Variants in GPR20 observed in about 807,000 individuals in gnomAD.
GPR20 encodes G protein-coupled receptor 20.
For synonymous variants in GPR20, 241 were observed against 241.9 expected, an observed-to-expected ratio of 1.00 and a Z score of 0.04; for missense variants, 494 against 527.4, an observed-to-expected ratio of 0.94 and a Z score of 0.62.
Position 141,356,959 on chromosome 8 carries a change from C to T in GPR20, c.965G>A (p.Ser322Asn). Reference sequence around the variant, plus strand: ...CCTGTGCATGCTGACCACGTCACCGCTGCTGGGCTCACGCTCTCCGTGCTG... The same window carrying T: ...CCTGTGCATGCTGACCACGTCACCGTTGCTGGGCTCACGCTCTCCGTGCTG... The part of the protein sequence containing the change: ...FGQHGEREPS[S>N]GDVVSMHRSS... Residue 322 changes from serine to asparagine, a missense_variant, in exon 2 of 2, where the codon AGC (serine) becomes AAC (asparagine). Ser to Asn is a conservative substitution (Grantham distance 46). Coordinates refer to ENST00000377741, the MANE Select transcript of GPR20 (RefSeq NM_005293.3). The T allele has an allele frequency of 6.2e-7, 1 of 1,613,130 alleles. No homozygotes were observed. Among genetic ancestry groups the T allele is most frequent in the Non-Finnish European group, 8.5e-7 (1 of 1,179,996 alleles).
chr8:141,357,416 C>A lies in GPR20; in HGVS notation c.508G>T (p.Val170Leu). ...GCGGCCAGCCACACGAAGGCGCACACGGCCCTGGCACAGGCAGGCTGGCGG... is the reference window on the plus strand; with the variant it reads ...GCGGCCAGCCACACGAAGGCGCACAAGGCCCTGGCACAGGCAGGCTGGCGG... ...RCRQPACARA[V>L]CAFVWLAAGA... is the part of the protein sequence containing the mutation. Residue 170 changes from valine (V) to leucine (L), a missense_variant, in exon 2 of 2, where the codon GTG (valine) becomes TTG (leucine). Coordinates refer to ENST00000377741, the MANE Select transcript of GPR20 (RefSeq NM_005293.3). 6.2e-7 allele frequency: 1 copy of A among 1,604,310 alleles called. No individual in the cohort carries two copies. Among genetic ancestry groups the A allele is most frequent in the African/African-American group, 1.3e-5 (1 of 74,936 alleles).
At chr8:141,360,397 C>T (rs543695832) in intron 1 of GPR20, among the ~76,000 whole-genome samples, 34 of 152,338 alleles carry the variant, frequency 2.2e-4, no homozygotes, top group Admixed American at 1.0e-3. Context: ...ATTCCTGTGG[C>T]GCTCTGAGCC....
chr8:141,360,191 G>C (rs1255132000), intron 1 of GPR20, among the ~76,000 whole-genome samples: 4 of 152,228 alleles, frequency 2.6e-5, no homozygotes, highest in African/African-American at 9.6e-5. Flanking sequence ...GACCGGAGAG[G>C]AGAGGGAGCT....
Position 141,357,512 on chromosome 8 carries a change from T to C in GPR20, c.412A>G (p.Ile138Val), listed in dbSNP as rs754488752. Residue 138 changes from isoleucine (I) to valine (V), a missense_variant, in exon 2 of 2, where the codon ATC (isoleucine) becomes GTC (valine). By Grantham distance (29) the Ile-to-Val change is conservative (BLOSUM62 3). Transcript: ENST00000377741. The part of the protein sequence containing the change: ...LGYFLNMHCS[I>V]LFLTCICVDR... ...ACGCAGATGCAGGTGAGGAAGAGGATGGAGCAGTGCATGTTGAGGAAGTAA... is the reference window on the plus strand; with the variant it reads ...ACGCAGATGCAGGTGAGGAAGAGGACGGAGCAGTGCATGTTGAGGAAGTAA... 6.1e-5 allele frequency: 99 copies of C among 1,613,380 alleles called. No individual in the cohort carries two copies. Among genetic ancestry groups the C allele is most frequent in the Non-Finnish European group, 8.2e-5 (97 of 1,179,982 alleles).
Position 141,357,854 on chromosome 8 carries a change from G to T in GPR20, c.70C>A (p.Arg24=), listed in dbSNP as rs199724410. 3 of 1,611,810 alleles carry T rather than the reference G, an allele frequency of 1.9e-6. No individual in the cohort carries two copies. Among genetic ancestry groups the T allele is most frequent in the Admixed American group, 1.7e-5 (1 of 59,922 alleles). ...VPNATAVTTV[R]TNASGLEVPL... Reference sequence around the variant, plus strand: ...ACCTCCAGCCCGCTGGCATTGGTCCGCACTGTTGTCACTGCGGTGGCATTG... The same window carrying T: ...ACCTCCAGCCCGCTGGCATTGGTCCTCACTGTTGTCACTGCGGTGGCATTG... The change falls in exon 2 of 2, where the codon CGG becomes AGG. Residue 24 remains arginine, a synonymous_variant. Transcript: ENST00000377741.
intron 1 of GPR20, among the ~76,000 whole-genome samples, chr8:141,362,299 C>T (rs1831746076): frequency 6.6e-6 from 1 of 152,134 alleles, no homozygotes; most frequent in Admixed American, 6.5e-5. Context: ...TGCATCCTCC[C>T]AGGGCACCCT....
Position 141,357,954 on chromosome 8 carries a change from G to T in GPR20, c.-24-7C>A. 1 of 1,364,522 alleles carries T rather than the reference G, an allele frequency of 7.3e-7. No individual in the cohort carries two copies. The highest frequency in any genetic ancestry group is 1.0e-6 in the Non-Finnish European group (1 of 997,658). The allele number at this position is 1,364,522 out of a possible 1,614,324, so 84.5% of individuals were successfully genotyped here. On this transcript the variant is annotated splice_region_variant and splice_polypyrimidine_tract_variant and intron_variant, in intron 1 of 1. Transcript: ENST00000377741. ...CAGCCAGCACACCCCAGGCCTGGAA[G>T]CAAGGAGACCAGGTCACCCCAGGCG...
chr8:141,362,189 GCT>G (rs1831744262), intron 1 of GPR20, among the ~76,000 whole-genome samples: 1 of 152,204 alleles, frequency 6.6e-6, no homozygotes. Context: ...AGCTGTTCCT[GCT>G]CTCTCCCTTT....
Position 141,357,416 on chromosome 8 carries a change from C to T in GPR20, c.508G>A (p.Val170Met), listed in dbSNP as rs1037579412. The change falls in exon 2 of 2, where the codon GTG becomes ATG. Residue 170 changes from valine (V) to methionine (M), a missense_variant. Val to Met is a conservative substitution (Grantham distance 21, BLOSUM62 1). Transcript: ENST00000377741. ...RCRQPACARA[V>M]CAFVWLAAGA... ...GCGGCCAGCCACACGAAGGCGCACACGGCCCTGGCACAGGCAGGCTGGCGG... is the reference window on the plus strand; with the variant it reads ...GCGGCCAGCCACACGAAGGCGCACATGGCCCTGGCACAGGCAGGCTGGCGG... 1.7e-5 allele frequency: 27 copies of T among 1,604,308 alleles called. No individual in the cohort carries two copies. The highest frequency in any genetic ancestry group is 4.5e-5 in the East Asian group (2 of 44,498).
intron 1 of GPR20, among the ~76,000 whole-genome samples, chr8:141,359,875 T>C (rs1205870585): frequency 1.3e-5 from 2 of 152,244 alleles, no homozygotes; most frequent in Non-Finnish European, 2.9e-5. Flanking sequence ...AGGGACTGCA[T>C]GGCCAAAAAA....
chr8:141,364,029 A>T (rs1563707767), intron 1 of GPR20, among the ~76,000 whole-genome samples: 1 of 152,226 alleles, frequency 6.6e-6, no homozygotes, highest in Non-Finnish European at 1.5e-5. Context: ...GGAGGCCCAG[A>T]GGGGTGAGTG....
At chr8:141,358,613 C>G (rs1056576605) in intron 1 of GPR20, among the ~76,000 whole-genome samples, 3 of 152,220 alleles carry the variant, frequency 2.0e-5, no homozygotes, top group Admixed American at 1.3e-4. Context: ...GACCACCCAT[C>G]TGTTCTCCCC....
In GPR20 at chr8:141,357,597, G is replaced by A. The variant is rs1311189524; in HGVS notation, c.327C>T (p.Arg109=). 2 of 1,613,982 alleles carry A rather than the reference G, an allele frequency of 1.2e-6. No individual in the cohort carries two copies. Among genetic ancestry groups the A allele is most frequent in the South Asian group, 1.1e-5 (1 of 91,090 alleles). The part of the protein sequence containing the change: ...DLLVGLSLPT[R]FAVYYGARGC... ...CCCTGGCGCCGTAGTACACAGCGAAGCGCGTGGGCAGGGACAGCCCTACCA... is the reference window on the plus strand; with the variant it reads ...CCCTGGCGCCGTAGTACACAGCGAAACGCGTGGGCAGGGACAGCCCTACCA... The change falls in exon 2 of 2, where the codon CGC becomes CGT. Residue 109 remains arginine (R), a synonymous_variant. Transcript: ENST00000377741.
intron 1 of GPR20, among the ~76,000 whole-genome samples, chr8:141,365,324 A>G (rs1356479557): frequency 6.6e-6 from 1 of 152,144 alleles, no homozygotes; most frequent in Admixed American, 6.5e-5. Context: ...TGGGGAACCA[A>G]TACAGAGGGG....
intron 1 of GPR20, among the ~76,000 whole-genome samples, chr8:141,364,120 G>A (rs975014233): frequency 4.6e-5 from 7 of 152,254 alleles, no homozygotes; most frequent in South Asian, 2.1e-4. Context: ...GGCACAGGCC[G>A]GAGTGGAGCA....
intron 1 of GPR20, among the ~76,000 whole-genome samples, chr8:141,361,361 C>A (rs552257931): frequency 6.6e-6 from 1 of 152,346 alleles, no homozygotes; most frequent in East Asian, 1.9e-4. Flanking sequence ...TGGCTCTGGC[C>A]TGGATGGCCC....
intron 1 of GPR20, among the ~76,000 whole-genome samples, chr8:141,364,757 C>T (rs1831789465): frequency 6.6e-6 from 1 of 151,222 alleles, no homozygotes. Context: ...GCCAGCCCCT[C>T]CCTGCCTCCC....
chr8:141,356,656 T>A lies in GPR20; in HGVS notation c.*191A>T. The A allele has an allele frequency of 1.9e-6, 1 of 521,842 alleles. No individual in the cohort carries two copies. The highest frequency in any genetic ancestry group is 3.4e-6 in the Non-Finnish European group (1 of 297,154). 32.3% of individuals were successfully genotyped at this position (521,842 alleles called of 1,614,324 possible). On this transcript the variant is annotated 3_prime_UTR_variant, in exon 2 of 2. Coordinates refer to ENST00000377741, the MANE Select transcript of GPR20 (RefSeq NM_005293.3). ...AATCACCGGCATTCAGGCCACCACA[T>A]CCCATCGGAGCCAGTGGCAGACATT...
Position 141,356,949 on chromosome 8 carries a change from C to G in GPR20, c.975G>C (p.Val325=), listed in dbSNP as rs767666204. ...CCTTGGAGCTCCTGTGCATGCTGAC[C>G]ACGTCACCGCTGCTGGGCTCACGCT... The part of the protein sequence containing the change: ...HGEREPSSGD[V]VSMHRSSKGS... Residue 325 remains valine, a synonymous_variant, in exon 2 of 2, where the codon GTG becomes GTC. Coordinates refer to ENST00000377741, the MANE Select transcript of GPR20 (RefSeq NM_005293.3). The G allele has an allele frequency of 1.3e-5, 21 of 1,613,030 alleles. No individual in the cohort carries two copies. In the East Asian group the frequency reaches 4.7e-4, roughly 36 times the overall value.
Sources: allele counts gnomAD v4.1 joint callset (sites outside exome capture counted in the v4.1 genomes callset), GRCh38; gene constraint gnomAD v4.1.1; transcripts MANE v1.5; gene names NCBI Gene and HGNC (gene_info 2026-07-23, HGNC 2026-07-21).